OSBPL1A: variants seen among roughly 807,000 people sequenced by gnomAD.
OSBPL1A encodes oxysterol binding protein like 1A, also known as oxysterol-binding protein-related protein 1.
OSBPL1A carries 80 observed loss-of-function variants against 137.1 expected under a neutral mutation model. The observed-to-expected ratio is 0.58, with a 90% CI of 0.49 to 0.70. OSBPL1A has a LOEUF of 0.70. Among genes scored for constraint, OSBPL1A ranks in the 30% least tolerant of loss-of-function variants. The pLI is 0.00. For missense variants in OSBPL1A, 970 were observed against 1,129.4 expected (o/e 0.86, Z 2.02); for synonymous variants, 365 against 389.7 (o/e 0.94, Z 0.75).
intron 14 of OSBPL1A, among the ~76,000 whole-genome samples, chr18:24,295,560 T>C (rs956316479): frequency 2.0e-5 from 3 of 152,216 alleles, no homozygotes; most frequent in Non-Finnish European, 2.9e-5. Context: ...AAGTCTTTGA[T>C]CCATCTTGAG....
chr18:24,289,418 G>GTTTTTTTTTTTTTTTTTTTTTTTTT (rs536281272), intron 14 of OSBPL1A, among the ~76,000 whole-genome samples: 1 of 94,208 alleles, frequency 1.1e-5, no homozygotes. Context: ...GTTTTTTCCT[G>GTTTTTTTTTTTTTTTTTTTTTTTTT]TTTTTTTTTT....
intron 16 of OSBPL1A, among the ~76,000 whole-genome samples, chr18:24,228,725 G>A (rs973648463): frequency 2.0e-5 from 3 of 152,086 alleles, no homozygotes; most frequent in Non-Finnish European, 4.4e-5. Flanking sequence ...AGCTGCGTTC[G>A]CTGACAAGGA....
At chr18:24,342,608 C>T (rs1599690733) in intron 4 of OSBPL1A, among the ~76,000 whole-genome samples, 1 of 152,160 alleles carries the variant, frequency 6.6e-6, no homozygotes, top group South Asian at 2.1e-4. Flanking sequence ...CCATTTCCTA[C>T]ATTCTTTTAG....
chr18:24,281,418 C>T (rs776689830), intron 14 of OSBPL1A, among the ~76,000 whole-genome samples: 1 of 145,600 alleles, frequency 6.9e-6, no homozygotes, highest in Non-Finnish European at 1.5e-5. Context: ...GACACAGTCT[C>T]ACTCTGTGGC....
At chr18:24,241,192 A>T (rs937506868) in intron 15 of OSBPL1A, among the ~76,000 whole-genome samples, 1 of 152,208 alleles carries the variant, frequency 6.6e-6, no homozygotes. Context: ...AACCTAGGCA[A>T]TACCATTCAG....
intron 1 of OSBPL1A, among the ~76,000 whole-genome samples, chr18:24,392,866 T>C (rs976268583): frequency 1.3e-4 from 20 of 152,120 alleles, no homozygotes; most frequent in African/African-American, 4.6e-4. Flanking sequence ...AATTTTTGTA[T>C]CTTTTATAGA....
intron 14 of OSBPL1A, among the ~76,000 whole-genome samples, chr18:24,298,113 C>G (rs1027061529): frequency 1.3e-5 from 2 of 152,144 alleles, no homozygotes; most frequent in African/African-American, 4.8e-5. Context: ...GACCTCTGGT[C>G]ATCCTCACTG....
At chr18:24,190,532 G>A (rs1599463996) in intron 18 of OSBPL1A, among the ~76,000 whole-genome samples, 1 of 152,036 alleles carries the variant, frequency 6.6e-6, no homozygotes, top group Non-Finnish European at 1.5e-5. Context: ...GCTCCTTGAC[G>A]TCCTGTTTCA....
chr18:24,164,420 G>GGTTTTT lies in OSBPL1A; in HGVS notation c.2750+644_2750+645insAAAAAC, dbSNP rs199563115. On this transcript the variant is annotated intron_variant, in intron 27 of 27. Coordinates refer to ENST00000319481, the MANE Select transcript of OSBPL1A (RefSeq NM_080597.4). Reference sequence around the variant, plus strand: ...ATGGAAAACAGTATGGAGATTTTTGGTTTTTTTTTTTTTTTTTTTTTTTTT... The same window carrying GGTTTTT: ...ATGGAAAACAGTATGGAGATTTTTGGGTTTTTTTTTTTTTTTTTTTTTTTTTTTTTT... Among the ~76,000 whole-genome samples the GGTTTTT allele has an allele frequency of 1.7e-4, 16 of 95,970 alleles. 1 individual carries two copies. The highest frequency in any genetic ancestry group is 4.3e-4 in the South Asian group (1 of 2,326). The allele number at this position is 95,970 out of a possible 152,430, so 63.0% of individuals were successfully genotyped here.
chr18:24,167,571 G>A (rs186436211), intron 24 of OSBPL1A, 126 bp from the exon 25 acceptor site: 22 of 765,142 alleles, frequency 2.9e-5, no homozygotes, highest in South Asian at 8.2e-5. Flanking sequence ...AGGTTATAGC[G>A]GAGCATGTAT....
intron 6 of OSBPL1A, 29 bp from the exon 7 acceptor site, chr18:24,333,115 T>C (rs997799929): frequency 2.5e-6 from 4 of 1,607,856 alleles, no homozygotes. Flanking sequence ...CAATGCAGAA[T>C]TATATATCAA....
chr18:24,353,310 T>G, intron 4 of OSBPL1A, among the ~76,000 whole-genome samples: 1 of 152,012 alleles, frequency 6.6e-6, no homozygotes, highest in South Asian at 2.1e-4. Context: ...AAAAAACACA[T>G]GAAAAAATGC....
In OSBPL1A at chr18:24,351,347, C is replaced by CAAAAAAAAAAAAA. The variant is rs1172514692; in HGVS notation, c.283-9702_283-9690dup. Among the ~76,000 whole-genome samples the CAAAAAAAAAAAAA allele has an allele frequency of 9.5e-3, 341 of 35,744 alleles. 13 individuals are homozygous for CAAAAAAAAAAAAA. The highest frequency in any genetic ancestry group is 0.012 in the Non-Finnish European group (239 of 19,320). 23.4% of individuals were successfully genotyped at this position (35,744 alleles called of 152,430 possible). On this transcript the variant is annotated intron_variant, in intron 4 of 27. Coordinates refer to ENST00000319481, the MANE Select transcript of OSBPL1A (RefSeq NM_080597.4). ...CTGGACAACAGAGAAGACTCTGTCT[C>CAAAAAAAAAAAAA]AAAAAAAAAAAAAAAAAAAAAAGAC...
chr18:24,340,162 T>C (rs1015341283), intron 5 of OSBPL1A, among the ~76,000 whole-genome samples: 2 of 152,188 alleles, frequency 1.3e-5, no homozygotes, highest in African/African-American at 2.4e-5. Context: ...AAAATAATTA[T>C]AGGAAAGCCC....
At chr18:24,394,508 A>G (rs1184859182) in intron 1 of OSBPL1A, among the ~76,000 whole-genome samples, 2 of 152,222 alleles carry the variant, frequency 1.3e-5, no homozygotes, top group Non-Finnish European at 2.9e-5. Flanking sequence ...GTTTCAAAAC[A>G]GAGCAGGTAT....
At chr18:24,192,026 TCTTTCA>T (rs1364617511) in intron 18 of OSBPL1A, among the ~76,000 whole-genome samples, 2 of 152,212 alleles carry the variant, frequency 1.3e-5, no homozygotes, top group African/African-American at 4.8e-5. Flanking sequence ...ACAACACTTT[TCTTTCA>T]CTTTAAGTAG....
At chr18:24,300,896 C>T (rs1317665329) in intron 14 of OSBPL1A, among the ~76,000 whole-genome samples, 1 of 152,186 alleles carries the variant, frequency 6.6e-6, no homozygotes, top group Non-Finnish European at 1.5e-5. Context: ...TGACTCACTG[C>T]AACCTCTGCC....
intron 14 of OSBPL1A, among the ~76,000 whole-genome samples, chr18:24,292,024 G>A (rs2090183372): frequency 6.6e-6 from 1 of 152,224 alleles, no homozygotes; most frequent in South Asian, 2.1e-4. Context: ...GGCAGAGGTT[G>A]CAGTGAGCCA....
intron 13 of OSBPL1A, among the ~76,000 whole-genome samples, chr18:24,307,571 T>C (rs1030065526): frequency 6.6e-6 from 1 of 152,216 alleles, no homozygotes; most frequent in African/African-American, 2.4e-5. Context: ...CACAAATATA[T>C]ATGTGTACAT....
Sources: allele counts gnomAD v4.1 joint callset (sites outside exome capture counted in the v4.1 genomes callset), GRCh38; gene constraint gnomAD v4.1.1; transcripts MANE v1.5; gene names NCBI Gene and HGNC (gene_info 2026-07-23, HGNC 2026-07-21).